The following DCAF4 variants were observed in gnomAD, a reference collection of about 807,000 sequenced individuals.
The protein encoded by DCAF4 is DDB1 and CUL4 associated factor 4.
Under a neutral mutation model 60.9 loss-of-function variants are expected in DCAF4, and 37 were observed. That is an observed-to-expected ratio of 0.61 (90% CI 0.47 to 0.80). The LOEUF is 0.80. DCAF4 is among the 30% of genes least tolerant of loss of function. The pLI is 0.00. For synonymous variants in DCAF4, 243 were observed against 254.8 expected, an observed-to-expected ratio of 0.95 and a Z score of 0.44; for missense variants, 577 against 650.0, an observed-to-expected ratio of 0.89 and a Z score of 1.22.
chr14:72,954,430 C>T lies in DCAF4; in HGVS notation c.952C>T (p.Arg318Trp), dbSNP rs377073321. ...VLLTNVVTGH[R>W]QSFGTNSDVL... is the part of the protein sequence containing the mutation. ...GTTGACCAACGTGGTGACGGGACAC[C>T]GGCAGTCCTTTGGGACCAACAGTGA... The change falls in exon 11 of 14, where the codon CGG becomes TGG. Residue 318 changes from arginine (R) to tryptophan (W), a missense_variant. Coordinates refer to ENST00000358377, the MANE Select transcript of DCAF4 (RefSeq NM_015604.4). 4.3e-6 allele frequency: 7 copies of T among 1,614,068 alleles called. No individual in the cohort carries two copies. The highest frequency in any genetic ancestry group is 2.2e-5 in the East Asian group (1 of 44,886).
chr14:72,930,792 T>A (rs1220010806), intron 1 of DCAF4, among the ~76,000 whole-genome samples: 1 of 152,210 alleles, frequency 6.6e-6, no homozygotes, highest in Non-Finnish European at 1.5e-5. Context: ...TTGTCCCATA[T>A]GGTATGAAGT....
intron 1 of DCAF4, among the ~76,000 whole-genome samples, chr14:72,932,739 TTTG>T (rs1888730380): frequency 1.3e-5 from 2 of 152,156 alleles, no homozygotes; most frequent in South Asian, 4.1e-4. Context: ...AGGTAACTCT[TTTG>T]TTGTTGTTTT....
intron 1 of DCAF4, among the ~76,000 whole-genome samples, chr14:72,929,043 C>T (rs1212273915): frequency 2.0e-5 from 3 of 152,162 alleles, no homozygotes; most frequent in African/African-American, 7.2e-5. Context: ...CGGGGCTGGT[C>T]GGTGTTGGGC....
At chr14:72,936,138 C>T (rs1042689286) in intron 1 of DCAF4, among the ~76,000 whole-genome samples, 2 of 152,200 alleles carry the variant, frequency 1.3e-5, no homozygotes, top group African/African-American at 4.8e-5. Context: ...TTCCTGTGCG[C>T]AGTCCCTTTC....
chr14:72,943,091 A>G lies in DCAF4; in HGVS notation c.529A>G (p.Ile177Val). ...CTTGGCAAGCGACCGATTTAACCTCATACTGGTGAGTGGGAGGGGGACACC... is the reference window on the plus strand; with the variant it reads ...CTTGGCAAGCGACCGATTTAACCTCGTACTGGTGAGTGGGAGGGGGACACC... ...SALASDRFNLILADTNSDRLF... is the reference protein window; with the variant it reads ...SALASDRFNLVLADTNSDRLF... The change falls in exon 6 of 14, where the codon ATA (isoleucine) becomes GTA (valine). Residue 177 changes from isoleucine (I) to valine (V), a missense_variant. By Grantham distance (29) the Ile-to-Val change is conservative. Coordinates refer to ENST00000358377, the MANE Select transcript of DCAF4 (RefSeq NM_015604.4). The G allele has an allele frequency of 6.2e-7, 1 of 1,614,028 alleles. No individual in the cohort carries two copies. The highest frequency in any genetic ancestry group is 8.5e-7 in the Non-Finnish European group (1 of 1,179,888).
chr14:72,952,443 A>C (rs1891537533), intron 9 of DCAF4, among the ~76,000 whole-genome samples: 1 of 152,208 alleles, frequency 6.6e-6, no homozygotes, highest in Non-Finnish European at 1.5e-5. Flanking sequence ...GTGGAGAATT[A>C]GGTGAGATCA....
intron 8 of DCAF4, among the ~76,000 whole-genome samples, chr14:72,948,121 C>G (rs1890977929): frequency 6.6e-6 from 1 of 152,212 alleles, no homozygotes; most frequent in African/African-American, 2.4e-5. Context: ...CAAATGATAA[C>G]TGAATCAGGA....
At chr14:72,939,751 G>C in intron 2 of DCAF4, 51 bp from the exon 3 acceptor site, 1 of 1,524,102 alleles carries the variant, frequency 6.6e-7, no homozygotes, top group Non-Finnish European at 8.9e-7. Flanking sequence ...CCGTCAGAAT[G>C]GCTGGAACTC....
At position 72,929,568 on chromosome 14, in the gene DCAF4, C is replaced by T. The variant is rs1888236664; in HGVS notation, c.-9+3025C>T. 9.3e-6 allele frequency: 8 copies of T among 855,778 alleles called. No homozygotes were observed. In the South Asian group the frequency reaches 1.0e-4, roughly 11 times the overall value. 53.0% of individuals were successfully genotyped at this position (855,778 alleles called of 1,614,324 possible). ...ATTTTTTATTTTTATTTTATTTTTC[C>T]GTCAAGCTGTTCTTTATTTCAGGAA... On this transcript the variant is annotated intron_variant, in intron 1 of 13. Coordinates refer to ENST00000358377, the MANE Select transcript of DCAF4 (RefSeq NM_015604.4).
chr14:72,931,266 T>C (rs1426479114), intron 1 of DCAF4, among the ~76,000 whole-genome samples: 5 of 148,932 alleles, frequency 3.4e-5, no homozygotes, highest in African/African-American at 1.2e-4. Flanking sequence ...TTTTTCTCTT[T>C]TTTTTTTTTT....
intron 8 of DCAF4, among the ~76,000 whole-genome samples, chr14:72,950,901 T>C (rs181837144): frequency 2.0e-5 from 3 of 152,238 alleles, no homozygotes; most frequent in Non-Finnish European, 4.4e-5. Flanking sequence ...TACACCAATT[T>C]GAGAAGAGCA....
intron 9 of DCAF4, among the ~76,000 whole-genome samples, chr14:72,952,992 CTTT>C (rs34917327): frequency 8.3e-3 from 345 of 41,488 alleles, no homozygotes; most frequent in African/African-American, 0.035. Flanking sequence ...AATGCCCGGC[CTTT>C]TTTTTTTTTT....
intron 12 of DCAF4, among the ~76,000 whole-genome samples, chr14:72,955,914 C>CTTTTTTTTTTTTTTTTTTTTTTTTTT (rs71109770): frequency 1.8e-5 from 1 of 54,726 alleles, no homozygotes; most frequent in Non-Finnish European, 3.2e-5. Flanking sequence ...TGGTTATGTC[C>CTTTTTTTTTTTTTTTTTTTTTTTTTT]TTTTTTTTTT....
intron 10 of DCAF4, 34 bp downstream of exon 10, chr14:72,954,296 G>A (rs762176585): frequency 2.0e-5 from 32 of 1,613,044 alleles, no homozygotes; most frequent in Non-Finnish European, 2.7e-5. Context: ...CAGAGAAGAG[G>A]CCTTAACAGG....
intron 4 of DCAF4, chr14:72,940,594 T>TG (rs1431343711): frequency 2.2e-4 from 92 of 424,102 alleles, no homozygotes; most frequent in Admixed American, 4.5e-5. Context: ...ATAAGTTGTT[T>TG]TTTTTTTTTT....
chr14:72,954,442 G>A lies in DCAF4; in HGVS notation c.964G>A (p.Gly322Arg), dbSNP rs150517676. The change falls in exon 11 of 14, where the codon GGG (glycine) becomes AGG (arginine). Residue 322 changes from glycine (G) to arginine (R), a missense_variant. Transcript: ENST00000358377. The part of the protein sequence containing the change: ...NVVTGHRQSF[G>R]TNSDVLAQQF... Reference sequence around the variant, plus strand: ...GGTGACGGGACACCGGCAGTCCTTTGGGACCAACAGTGATGTCTTGGCCCA... The same window carrying A: ...GGTGACGGGACACCGGCAGTCCTTTAGGACCAACAGTGATGTCTTGGCCCA... The A allele has an allele frequency of 1.1e-4, 177 of 1,614,202 alleles. No homozygotes were observed. In the African/African-American group the frequency reaches 1.8e-3, roughly 16 times the overall value.
chr14:72,940,004 A>G, intron 3 of DCAF4, 102 bp downstream of exon 3: 1 of 1,287,518 alleles, frequency 7.8e-7, no homozygotes, highest in Non-Finnish European at 1.1e-6. Context: ...TGAAACACTC[A>G]GGGAAGGAGC....
At chr14:72,944,165 CCTCT>C (rs974799103) in intron 6 of DCAF4, among the ~76,000 whole-genome samples, 1 of 152,148 alleles carries the variant, frequency 6.6e-6, no homozygotes, top group Non-Finnish European at 1.5e-5. Context: ...CCTCATGCTT[CCTCT>C]CTCCTGACCC....
intron 7 of DCAF4, among the ~76,000 whole-genome samples, chr14:72,946,266 G>A (rs960664172): frequency 2.0e-5 from 3 of 150,998 alleles, no homozygotes; most frequent in East Asian, 1.9e-4. Flanking sequence ...GTGGTGGCGC[G>A]CACCTGTAGT....
Sources: allele counts gnomAD v4.1 joint callset (sites outside exome capture counted in the v4.1 genomes callset), GRCh38; gene constraint gnomAD v4.1.1; transcripts MANE v1.5; gene names NCBI Gene and HGNC (gene_info 2026-07-23, HGNC 2026-07-21).